Variants in PCDHGA11 observed in about 807,000 individuals in gnomAD.
PCDHGA11 encodes protocadherin gamma subfamily A, 11, also known as protocadherin gamma-A11.
Under a neutral mutation model 60.4 loss-of-function variants are expected in PCDHGA11, and 39 were observed. The observed-to-expected ratio is 0.65, with a 90% confidence interval of 0.50 to 0.84. The LOEUF is 0.84. Ranked by LOEUF, PCDHGA11 falls within the 40% of genes least tolerant of loss-of-function variation. PCDHGA11 has a pLI of 0.00. For synonymous variants in PCDHGA11, 533 were observed against 510.3 expected (o/e 1.04, Z -0.60); for missense variants, 1,165 against 1,197.7 (o/e 0.97, Z 0.40).
chr5:141,473,431 G>A (rs541546681), intron 1 of PCDHGA11, among the ~76,000 whole-genome samples: 10 of 152,266 alleles, frequency 6.6e-5, no homozygotes, highest in Non-Finnish European at 1.3e-4. Flanking sequence ...CAGATACTTT[G>A]CTTATGCAAA....
Position 141,422,717 on chromosome 5 carries a change from T to A in PCDHGA11, c.1490T>A (p.Val497Asp). 6.2e-7 allele frequency: 1 copy of A among 1,604,832 alleles called. No individual in the cohort carries two copies. The highest frequency in any genetic ancestry group is 8.5e-7 in the Non-Finnish European group (1 of 1,174,956). ...ACTTACTCTCTGACGGATGACACTG[T>A]CCAGGGGGTGCCTCTGTCCTCCTAT... is the stretch of plus-strand genomic sequence containing the variant. Reference protein sequence around the residue: ...LVTYSLTDDTVQGVPLSSYVS... With the variant: ...LVTYSLTDDTDQGVPLSSYVS... Residue 497 changes from valine (V) to aspartate (D), a missense_variant, in exon 1 of 4, where the codon GTC (valine) becomes GAC (aspartate). By Grantham distance (152) the Val-to-Asp change is radical (BLOSUM62 -3). Transcript: ENST00000398587.
rs2096740667 is a variant in PCDHGA11 at position 141,423,436 on chromosome 5, C to A, written c.2209C>A (p.Pro737Thr). The A allele has an allele frequency of 6.2e-7, 1 of 1,613,782 alleles. No individual in the cohort carries two copies. Among genetic ancestry groups the A allele is most frequent in the Non-Finnish European group, 8.5e-7 (1 of 1,179,864 alleles). ...QASEGGLAGM[P>T]TSHFVGVDGV... ...TTCTGAAGGCGGGTTGGCAGGTATGCCCACGTCACATTTTGTAGGCGTGGA... is the reference window on the plus strand; with the variant it reads ...TTCTGAAGGCGGGTTGGCAGGTATGACCACGTCACATTTTGTAGGCGTGGA... The change falls in exon 1 of 4, where the codon CCC becomes ACC. Residue 737 changes from proline (P) to threonine (T), a missense_variant. Pro to Thr is a conservative substitution (Grantham distance 38). Transcript: ENST00000398587.
At chr5:141,452,119 TTCATATATGGC>T (rs1472213897) in intron 1 of PCDHGA11, among the ~76,000 whole-genome samples, 3 of 152,250 alleles carry the variant, frequency 2.0e-5, no homozygotes, top group African/African-American at 7.2e-5. Flanking sequence ...TTCTTATTTA[TTCATATATGGC>T]TCATGTGTTT....
At chr5:141,509,570 G>A (rs2099877371) in intron 3 of PCDHGA11, among the ~76,000 whole-genome samples, 1 of 152,232 alleles carries the variant, frequency 6.6e-6, no homozygotes, top group South Asian at 2.1e-4. Flanking sequence ...AGCCTTCACA[G>A]TGCGTACAAA....
intron 1 of PCDHGA11, chr5:141,492,036 T>A: frequency 1.9e-6 from 1 of 536,866 alleles, no homozygotes; most frequent in Non-Finnish European, 3.2e-6. Flanking sequence ...GAGGAGGCAG[T>A]CACAGATCCA....
chr5:141,465,966 C>CA (rs2099113454), intron 1 of PCDHGA11, among the ~76,000 whole-genome samples: 1 of 151,802 alleles, frequency 6.6e-6, no homozygotes, highest in Non-Finnish European at 1.5e-5. Flanking sequence ...ACTAAAAATA[C>CA]AAAAAATTAG....
intron 1 of PCDHGA11, among the ~76,000 whole-genome samples, chr5:141,445,263 C>T (rs1170484721): frequency 1.3e-5 from 2 of 152,152 alleles, no homozygotes; most frequent in African/African-American, 2.4e-5. Context: ...GAATATAAGT[C>T]GAAACCACTC....
intron 1 of PCDHGA11, among the ~76,000 whole-genome samples, chr5:141,484,685 T>G (rs2099599013): frequency 6.6e-6 from 1 of 151,934 alleles, no homozygotes; most frequent in Non-Finnish European, 1.5e-5. Flanking sequence ...TTGCTAGGGC[T>G]CAGGCTGTGG....
intron 2 of PCDHGA11, among the ~76,000 whole-genome samples, chr5:141,501,821 G>A (rs910825533): frequency 1.3e-5 from 2 of 152,028 alleles, no homozygotes; most frequent in Non-Finnish European, 2.9e-5. Context: ...ATAATTGGCA[G>A]CCCACCCACC....
In PCDHGA11 at chr5:141,423,514, G is replaced by T. The variant is rs1208270970; in HGVS notation, c.2287G>T (p.Asp763Tyr). ...TTCCCACGAGGTCTCTCTCATTGCG[G>T]ACTCGCAGAAGAGTCACCTGATTTT... ...TYSHEVSLIA[D>Y]SQKSHLIFPQ... Residue 763 changes from aspartate (D) to tyrosine (Y), a missense_variant, in exon 1 of 4, where the codon GAC becomes TAC. Transcript: ENST00000398587. 2 of 1,613,812 alleles carry T rather than the reference G, an allele frequency of 1.2e-6. No homozygotes were observed. The highest frequency in any genetic ancestry group is 1.7e-6 in the Non-Finnish European group (2 of 1,179,844).
In PCDHGA11 at chr5:141,431,339, TTGG is replaced by T. The variant is rs750589924; in HGVS notation, c.2433+7682_2433+7684del. ...AGCCGACGGTAGTAAGTACCCCGAA[TTGG>T]TGCTGAAACGCGCCCTGGACCGCGA... is the stretch of plus-strand genomic sequence containing the variant. On this transcript the variant is annotated intron_variant, in intron 1 of 3. Coordinates refer to ENST00000398587, the MANE Select transcript of PCDHGA11 (RefSeq NM_018914.3). The surrounding 1 kb of genome is among the most constrained non-coding windows in gnomAD (Gnocchi z 4.8). 4 of 1,614,060 alleles carry T rather than the reference TTGG, an allele frequency of 2.5e-6. No individual in the cohort carries two copies. The Admixed American group carries it at 6.7e-5, about 27-fold the overall frequency.
chr5:141,477,275 G>C lies in PCDHGA11; in HGVS notation c.2434-17532G>C, dbSNP rs1241603826. On this transcript the variant is annotated intron_variant, in intron 1 of 3. Transcript: ENST00000398587. This position sits in a 1 kb window ranked among gnomAD's most constrained non-coding sequence, Gnocchi z 4.9. ...CCTGGATGCTGGCGAGAACGGGCTG[G>C]TGACCTGCGAAGTTCCACCGGGTCT... The C allele has an allele frequency of 2.5e-6, 4 of 1,614,198 alleles. No individual in the cohort carries two copies. The South Asian group carries it at 4.4e-5, about 18-fold the overall frequency.
rs1486545769 is a variant in PCDHGA11 at position 141,431,780 on chromosome 5, A to T, written c.2433+8120A>T. On this transcript the variant is annotated intron_variant, in intron 1 of 3. Coordinates refer to ENST00000398587, the MANE Select transcript of PCDHGA11 (RefSeq NM_018914.3). This position sits in a 1 kb window ranked among gnomAD's most constrained non-coding sequence, Gnocchi z 4.8. The stretch of plus-strand genomic sequence containing the variant: ...AGTCCTGATCACTGTTCTGGACGTG[A>T]ACGACAATGCCCCAGAAGTGGTCCT... 4 of 1,614,086 alleles carry T rather than the reference A, an allele frequency of 2.5e-6. No homozygotes were observed. The highest frequency in any genetic ancestry group is 3.4e-6 in the Non-Finnish European group (4 of 1,180,028).
rs370503146 is a variant in PCDHGA11 at position 141,511,012 on chromosome 5, G to A, written c.2647G>A (p.Gly883Arg). 11 of 1,614,060 alleles carry A rather than the reference G, an allele frequency of 6.8e-6. No individual in the cohort carries two copies. Among genetic ancestry groups the A allele is most frequent in the Middle Eastern group, 1.6e-4 (1 of 6,084 alleles). ...AGTMGLSARYGPQFTLQHVPD... is the reference protein window; with the variant it reads ...AGTMGLSARYRPQFTLQHVPD... The stretch of plus-strand genomic sequence containing the variant: ...CACCATGGGATTGAGCGCCCGCTAC[G>A]GACCCCAGTTCACCCTGCAGCACGT... The change falls in exon 4 of 4, where the codon GGA (glycine) becomes AGA (arginine). Residue 883 changes from glycine (G) to arginine (R), a missense_variant. Transcript: ENST00000398587.
At chr5:141,444,288 C>T (rs2098430665) in intron 1 of PCDHGA11, among the ~76,000 whole-genome samples, 1 of 150,100 alleles carries the variant, frequency 6.7e-6, no homozygotes, top group South Asian at 2.1e-4. Flanking sequence ...TCTCCTGCCT[C>T]AGCCTCCCTA....
intron 1 of PCDHGA11, chr5:141,478,117 C>G (rs1419172538): frequency 1.3e-5 from 21 of 1,614,058 alleles, no homozygotes; most frequent in Non-Finnish European, 1.7e-5. Context: ...TGTCAGTAAC[C>G]GAGGACTCTC....
chr5:141,450,006 C>CTATTTTTTT (rs70988802), intron 1 of PCDHGA11, among the ~76,000 whole-genome samples: 8 of 132,970 alleles, frequency 6.0e-5, no homozygotes, highest in African/African-American at 8.4e-5. Context: ...TGCCATGTCT[C>CTATTTTTTT]TTTTTTTTTT....
chr5:141,456,550 C>T (rs1017343381), intron 1 of PCDHGA11, among the ~76,000 whole-genome samples: 2 of 152,166 alleles, frequency 1.3e-5, no homozygotes, highest in African/African-American at 4.8e-5. Context: ...TGTAGCCACT[C>T]GGGGCTGAAG....
intron 1 of PCDHGA11, among the ~76,000 whole-genome samples, chr5:141,434,029 A>C (rs970204484): frequency 2.6e-5 from 4 of 152,126 alleles, no homozygotes; most frequent in Admixed American, 2.6e-4. Context: ...TTCTGGAAGC[A>C]TGGTTTTCTA....
Sources: allele counts gnomAD v4.1 joint callset (sites outside exome capture counted in the v4.1 genomes callset), GRCh38; gene constraint gnomAD v4.1.1; non-coding constraint Gnocchi (gnomAD v3.1); transcripts MANE v1.5; gene names NCBI Gene and HGNC (gene_info 2026-07-23, HGNC 2026-07-21).